PIRT: variants seen among roughly 807,000 people sequenced by gnomAD.
PIRT encodes phosphoinositide interacting regulator of transient receptor potential channels.
PIRT carries 6 observed loss-of-function variants against 7.9 expected under a neutral mutation model. The ratio of observed to expected loss-of-function variants is 0.76; its 90% confidence interval spans 0.42 to 1.51. PIRT has a LOEUF of 1.51. Ranked by LOEUF, PIRT falls within the 40% of genes most tolerant of loss-of-function variation. The pLI, the probability that PIRT is intolerant of heterozygous loss-of-function variation, is 0.01. For missense variants in PIRT, 170 were observed against 172.9 expected (o/e 0.98, Z 0.09); for synonymous variants, 78 against 71.8 (o/e 1.09, Z -0.44).
At chr17:10,829,656 C>T (rs1473982523) in intron 1 of PIRT, among the ~76,000 whole-genome samples, 2 of 152,190 alleles carry the variant, frequency 1.3e-5, no homozygotes, top group African/African-American at 4.8e-5. Flanking sequence ...TTGAGATTAT[C>T]ACTTTGTGGC....
chr17:10,832,014 C>G (rs975718512), intron 1 of PIRT, among the ~76,000 whole-genome samples: 8 of 152,178 alleles, frequency 5.3e-5, no homozygotes, highest in African/African-American at 1.9e-4. Context: ...GAAACAGTGC[C>G]AGTCTGGGAC....
intron 1 of PIRT, among the ~76,000 whole-genome samples, chr17:10,832,245 T>C (rs1597588616): frequency 6.6e-6 from 1 of 151,708 alleles, no homozygotes; most frequent in South Asian, 2.1e-4. Context: ...CAGGCTGGAG[T>C]GCAATGGCAC....
chr17:10,825,424 G>A lies in PIRT; in HGVS notation c.222C>T (p.Cys74=), dbSNP rs1383186372. The A allele has an allele frequency of 6.2e-7, 1 of 1,613,880 alleles. No homozygotes were observed. The highest frequency in any genetic ancestry group is 8.5e-7 in the Non-Finnish European group (1 of 1,179,906). ...CACTCAGCTTCAAGGTGTAGGCCAA[G>A]CAGGTGATGACCACGCCGAAAAGCA... ...AILLFGVVIT[C]LAYTLKLSDK... The change falls in exon 2 of 2, where the codon TGC becomes TGT. Residue 74 remains cysteine, a synonymous_variant. Transcript: ENST00000580256.
intron 1 of PIRT, among the ~76,000 whole-genome samples, chr17:10,833,788 A>G (rs970801113): frequency 1.3e-5 from 2 of 152,152 alleles, no homozygotes; most frequent in Admixed American, 6.5e-5. Context: ...GCTACATATG[A>G]TTAATAGACA....
chr17:10,827,844 GATA>G (rs2151534030), intron 1 of PIRT, among the ~76,000 whole-genome samples: 1 of 152,228 alleles, frequency 6.6e-6, no homozygotes, highest in South Asian at 2.1e-4. Flanking sequence ...TTTACAACAA[GATA>G]ATAAGATGTA....
At chr17:10,827,764 C>T (rs569363198) in intron 1 of PIRT, among the ~76,000 whole-genome samples, 14 of 152,066 alleles carry the variant, frequency 9.2e-5, no homozygotes, top group East Asian at 1.9e-4. Context: ...TGTGAGCCAC[C>T]GCACCCAGCC....
rs1188116725 is a variant in PIRT, at chr17:10,824,311, G to C, written c.*921C>G. 2.0e-5 allele frequency: 3 copies of C among 152,226 alleles called. No individual in the cohort carries two copies. The highest frequency in any genetic ancestry group is 4.4e-5 in the Non-Finnish European group (3 of 68,048). The allele number at this position is 152,226 out of a possible 1,614,324, so 9.4% of individuals were successfully genotyped here. A position where few individuals can be genotyped will look rare whatever the true frequency, so the allele number is the denominator to read the frequency against. On this transcript the variant is annotated 3_prime_UTR_variant, in exon 2 of 2. Coordinates refer to ENST00000580256, the MANE Select transcript of PIRT (RefSeq NM_001101387.2). ...TGAATTCCATCTCTAGAAACCTACA[G>C]ATCATTCAGATATGGAACTTGATTC... is the stretch of plus-strand genomic sequence containing the variant.
At chr17:10,831,757 G>T (rs1905467352) in intron 1 of PIRT, among the ~76,000 whole-genome samples, 1 of 152,248 alleles carries the variant, frequency 6.6e-6, no homozygotes, top group Non-Finnish European at 1.5e-5. Flanking sequence ...TGATGCCCCA[G>T]ACTGGGCAAG....
At position 10,825,204 on chromosome 17, in the gene PIRT, A is replaced by G. The variant is rs542254076; in HGVS notation, c.*28T>C. 79 of 1,605,612 alleles carry G rather than the reference A, an allele frequency of 4.9e-5. No homozygotes were observed. In the East Asian group the frequency reaches 1.7e-3, roughly 34 times the overall value. The stretch of plus-strand genomic sequence containing the variant: ...TGGTCATCAGATCTTCTCCCAGTCA[A>G]GGTGGCAGGGAGATGCGGAAACCAC... On this transcript the variant is annotated 3_prime_UTR_variant, in exon 2 of 2. Transcript: ENST00000580256.
At chr17:10,827,615 C>T (rs1186087660) in intron 1 of PIRT, among the ~76,000 whole-genome samples, 1 of 151,580 alleles carries the variant, frequency 6.6e-6, no homozygotes, top group African/African-American at 2.4e-5. Context: ...GTTGGAATTA[C>T]AGGTGCCCAC....
chr17:10,837,042 C>T (rs1597589802), intron 1 of PIRT, among the ~76,000 whole-genome samples: 3 of 152,236 alleles, frequency 2.0e-5, no homozygotes, highest in South Asian at 4.1e-4. Context: ...AGTGTCTGGG[C>T]TAATAGAAGC....
intron 1 of PIRT, among the ~76,000 whole-genome samples, chr17:10,829,033 G>A (rs1332514463): frequency 2.0e-5 from 3 of 152,180 alleles, no homozygotes; most frequent in African/African-American, 7.2e-5. Context: ...CCATTTAAAA[G>A]GTGATTTTTT....
intron 1 of PIRT, among the ~76,000 whole-genome samples, chr17:10,829,965 G>GTCTGTCTATCTATCTA (rs1195802326): frequency 2.6e-4 from 39 of 149,598 alleles, no homozygotes; most frequent in African/African-American, 8.6e-4. Flanking sequence ...ATGTCTGTCT[G>GTCTGTCTATCTATCTA]TCTATCTATC....
In PIRT at chr17:10,825,000, C is replaced by A; in HGVS notation, c.*232G>T. 1 of 585,822 alleles carries A rather than the reference C, an allele frequency of 1.7e-6. No homozygotes were observed. The highest frequency in any genetic ancestry group is 3.0e-6 in the Non-Finnish European group (1 of 338,722). The allele number at this position is 585,822 out of a possible 1,614,324, so 36.3% of individuals were successfully genotyped here. ...GGGGTTAGAGTGACCAAAGGGAAGGCCACAGCCGGGATCCAAGGAAGCATC... is the reference window on the plus strand; with the variant it reads ...GGGGTTAGAGTGACCAAAGGGAAGGACACAGCCGGGATCCAAGGAAGCATC... On this transcript the variant is annotated 3_prime_UTR_variant, in exon 2 of 2. Coordinates refer to ENST00000580256, the MANE Select transcript of PIRT (RefSeq NM_001101387.2).
At chr17:10,831,588 A>T (rs916617776) in intron 1 of PIRT, among the ~76,000 whole-genome samples, 2 of 152,188 alleles carry the variant, frequency 1.3e-5, no homozygotes, top group East Asian at 3.9e-4. Flanking sequence ...TCTCCCTCTG[A>T]GCCTCTGGAA....
chr17:10,825,515 GT>G lies in PIRT; in HGVS notation c.130del (p.Thr44ProfsTer36). On this transcript the variant is annotated frameshift_variant, in exon 2 of 2. Transcript: ENST00000580256. LOFTEE classifies it high-confidence loss of function. ...SSRSESVWTTTPRSNWEIYRK... is the reference protein window; with the variant it reads ...SSRSESVWTTXPRSNWEIYRK... ...GTAGATTTCCCAGTTACTCCTGGGG[GT>G]GGTGGTCCAGACAGACTCGCTCCTG... The G allele has an allele frequency of 6.2e-7, 1 of 1,613,596 alleles. No homozygotes were observed. The highest frequency in any genetic ancestry group is 1.1e-5 in the South Asian group (1 of 90,980).
intron 1 of PIRT, among the ~76,000 whole-genome samples, chr17:10,832,349 T>C (rs935955104): frequency 6.6e-6 from 1 of 152,134 alleles, no homozygotes; most frequent in Non-Finnish European, 1.5e-5. Flanking sequence ...TGTGCCACCA[T>C]ACCCAGCTAA....
Position 10,829,991 on chromosome 17 carries a change from CTATCTATCTATCTATCT to C in PIRT, c.-138-4225_-138-4209del, listed in dbSNP as rs1333623675. The stretch of plus-strand genomic sequence containing the variant: ...TCTATCTATCTATCTATCTATCTAT[CTATCTATCTATCTATCT>C]ATCATCATCATCTATCTGCAATGGT... On this transcript the variant is annotated intron_variant, in intron 1 of 1. Transcript: ENST00000580256. 2.1e-3 allele frequency among the ~76,000 whole-genome samples: 322 copies of C among 152,014 alleles called. 4 individuals are homozygous for C. The highest frequency in any genetic ancestry group is 7.4e-3 in the African/African-American group (306 of 41,438).
chr17:10,827,471 T>TC (rs1567615930), intron 1 of PIRT, among the ~76,000 whole-genome samples: 6 of 115,132 alleles, frequency 5.2e-5, no homozygotes, highest in Non-Finnish European at 8.3e-5. Flanking sequence ...TTTTCTTTTT[T>TC]TTTTTTTTTT....
Sources: gnomAD v4.1 joint callset for allele counts (sites outside exome capture counted in the v4.1 genomes callset) on GRCh38, gnomAD v4.1.1 for gene constraint, MANE v1.5 for transcripts, NCBI Gene and HGNC (gene_info 2026-07-23, HGNC 2026-07-21) for gene names.